Variants in NPAS3 observed in about 807,000 individuals in gnomAD.
NPAS3 encodes neuronal PAS domain-containing protein 3.
In NPAS3, 14 loss-of-function variants were observed where a neutral mutation model predicts 73.1. The observed-to-expected ratio is 0.19, with a 90% CI of 0.13 to 0.30. NPAS3 has a LOEUF of 0.30. Ranked by LOEUF, NPAS3 falls within the 10% of genes least tolerant of loss-of-function variation. The pLI is 1.00. For synonymous variants in NPAS3, 620 were observed against 541.5 expected (o/e 1.14, Z -2.01); for missense variants, 1,096 against 1,250.0 (o/e 0.88, Z 1.86).
intron 2 of NPAS3, among the ~76,000 whole-genome samples, chr14:33,191,952 G>T (rs1044792604): frequency 2.0e-5 from 3 of 152,172 alleles, no homozygotes; most frequent in African/African-American, 7.2e-5. Context: ...ATTTGCTGAT[G>T]TGTGTGTGGT....
Position 33,068,163 on chromosome 14 carries a change from G to T in NPAS3, c.140+12169G>T, listed in dbSNP as rs545049145. Among the ~76,000 whole-genome samples, 21 of 152,304 alleles carry T rather than the reference G, an allele frequency of 1.4e-4. No individual in the cohort carries two copies. In the Middle Eastern group the frequency reaches 0.014, roughly 99 times the overall value. On this transcript the variant is annotated intron_variant, in intron 2 of 11. Coordinates refer to ENST00000356141, the Ensembl canonical transcript of NPAS3. ...TAAATAGTTACCAGATTGAAATACTGTTTCTAACATATTTTCCTGCTCAAA... is the reference window on the plus strand; with the variant it reads ...TAAATAGTTACCAGATTGAAATACTTTTTCTAACATATTTTCCTGCTCAAA...
intron 4 of NPAS3, among the ~76,000 whole-genome samples, chr14:33,375,762 A>G (rs563660065): frequency 3.3e-5 from 5 of 152,298 alleles, no homozygotes; most frequent in African/African-American, 1.2e-4. Context: ...CACAATTTCT[A>G]TTAGTAGATT....
chr14:33,110,707 T>A (rs2042863748), intron 2 of NPAS3, among the ~76,000 whole-genome samples: 1 of 152,170 alleles, frequency 6.6e-6, no homozygotes, highest in Non-Finnish European at 1.5e-5. Flanking sequence ...TTTTTCCTAC[T>A]GCTTCCTGGG....
At chr14:33,549,829 G>A (rs1265315994) in intron 4 of NPAS3, among the ~76,000 whole-genome samples, 4 of 151,950 alleles carry the variant, frequency 2.6e-5, no homozygotes, top group African/African-American at 2.4e-5. Context: ...TTGAGATTTC[G>A]GTGTAATCAC....
intron 5 of NPAS3, among the ~76,000 whole-genome samples, chr14:33,627,847 T>G (rs1401326756): frequency 6.6e-6 from 1 of 152,212 alleles, no homozygotes; most frequent in Non-Finnish European, 1.5e-5. Context: ...GCTGATGAAT[T>G]GGCCACTTAA....
intron 5 of NPAS3, among the ~76,000 whole-genome samples, chr14:33,583,886 G>A (rs2056768675): frequency 6.6e-6 from 1 of 152,182 alleles, no homozygotes; most frequent in Non-Finnish European, 1.5e-5. Context: ...GCCTTCTTCA[G>A]AGTTTAAGGG....
At chr14:33,537,396 T>C (rs1231316705) in intron 4 of NPAS3, among the ~76,000 whole-genome samples, 1 of 151,966 alleles carries the variant, frequency 6.6e-6, no homozygotes, top group African/African-American at 2.4e-5. Flanking sequence ...TCTCCTAGGG[T>C]GGATTATTGT....
intron 2 of NPAS3, among the ~76,000 whole-genome samples, chr14:33,173,508 A>G (rs2045472831): frequency 1.3e-5 from 2 of 152,212 alleles, no homozygotes; most frequent in South Asian, 4.1e-4. Flanking sequence ...TATTTTTTAA[A>G]AAAAACTACA....
chr14:33,802,861 C>A, downstream of NPAS3: 1 of 152,182 alleles, frequency 6.6e-6, no homozygotes. Context: ...TGTATATTCT[C>A]CCTACCTCTC....
intron 6 of NPAS3, among the ~76,000 whole-genome samples, chr14:33,683,958 G>A (rs753658014): frequency 6.6e-5 from 10 of 152,174 alleles, no homozygotes; most frequent in Non-Finnish European, 1.0e-4. Flanking sequence ...GCAGGTCAGT[G>A]TGTTATCCTT....
chr14:33,532,725 G>A (rs755445908), intron 4 of NPAS3, among the ~76,000 whole-genome samples: 32 of 152,162 alleles, frequency 2.1e-4, no homozygotes, highest in South Asian at 6.2e-4. Flanking sequence ...AAAAGTAGGC[G>A]TTGTTCTCTC....
chr14:33,545,805 C>T (rs1005998337), intron 4 of NPAS3, among the ~76,000 whole-genome samples: 1 of 152,138 alleles, frequency 6.6e-6, no homozygotes, highest in Non-Finnish European at 1.5e-5. Flanking sequence ...CTAGAGGGTG[C>T]GGTCAAGAGA....
intron 7 of NPAS3, among the ~76,000 whole-genome samples, chr14:33,756,056 A>T (rs569691924): frequency 6.6e-6 from 1 of 152,184 alleles, no homozygotes; most frequent in Non-Finnish European, 1.5e-5. Flanking sequence ...AACATTGAGG[A>T]TCTAATTTCA....
In NPAS3 at chr14:33,740,481, G is replaced by A. The variant is rs948007903; in HGVS notation, c.852+5149G>A. On this transcript the variant is annotated intron_variant, in intron 7 of 11. Coordinates refer to ENST00000356141, the Ensembl canonical transcript of NPAS3. ...TAATTGAATTGCATGCTCTCTTTCC[G>A]ATATACCAATGAAAACTGTTGACAG... Among the ~76,000 whole-genome samples the A allele has an allele frequency of 2.6e-5, 4 of 152,238 alleles. No individual in the cohort carries two copies. In the East Asian group the frequency reaches 5.8e-4, roughly 22 times the overall value.
At chr14:33,766,583 T>A (rs1236161474) in intron 7 of NPAS3, among the ~76,000 whole-genome samples, 1 of 152,176 alleles carries the variant, frequency 6.6e-6, no homozygotes, top group Non-Finnish European at 1.5e-5. Flanking sequence ...TGAGCCCACC[T>A]GAAACCCTGA....
At chr14:33,252,104 T>A (rs1178033181) in intron 3 of NPAS3, among the ~76,000 whole-genome samples, 2 of 150,014 alleles carry the variant, frequency 1.3e-5, no homozygotes, top group Non-Finnish European at 3.0e-5. Flanking sequence ...ATAAACCCAT[T>A]ATGTTAGGAT....
intron 1 of NPAS3, among the ~76,000 whole-genome samples, chr14:32,985,991 G>C (rs1423744899): frequency 6.6e-6 from 1 of 152,194 alleles, no homozygotes; most frequent in African/African-American, 2.4e-5. Context: ...AGGACATGGG[G>C]CTGCAGCCAT....
rs547066221 is a variant in NPAS3 at position 33,650,174 on chromosome 14, A to G, written c.559-26037A>G. Among the ~76,000 whole-genome samples the G allele has an allele frequency of 4.6e-5, 7 of 152,352 alleles. No homozygotes were observed. The East Asian group carries it at 1.4e-3, about 29-fold the overall frequency. ...TCGAGAAAACTCTATAAGGAAAGCAAAGAAAATCTTGCGCATTGTAACAGC... is the reference window on the plus strand; with the variant it reads ...TCGAGAAAACTCTATAAGGAAAGCAGAGAAAATCTTGCGCATTGTAACAGC... On this transcript the variant is annotated intron_variant, in intron 5 of 11. Coordinates refer to ENST00000356141, the Ensembl canonical transcript of NPAS3.
chr14:33,013,933 C>T (rs966585037), intron 1 of NPAS3, among the ~76,000 whole-genome samples: 6 of 152,046 alleles, frequency 3.9e-5, no homozygotes, highest in Non-Finnish European at 5.9e-5. Context: ...CTTTTCATGT[C>T]AGTAACAACA....
Sources: gnomAD v4.1 joint callset for allele counts (sites outside exome capture counted in the v4.1 genomes callset) on GRCh38, gnomAD v4.1.1 for gene constraint, MANE v1.5 for transcripts, NCBI Gene and HGNC (gene_info 2026-07-23, HGNC 2026-07-21) for gene names.